Variants in PON3 observed in about 807,000 individuals in gnomAD.
PON3 encodes the protein paraoxonase 3.
Under a neutral mutation model 36.3 loss-of-function variants are expected in PON3, and 37 were observed. That is an observed-to-expected ratio of 1.02 (90% CI 0.78 to 1.34). The LOEUF is 1.34. Ranked by LOEUF, PON3 falls within the 40% of genes most tolerant of loss-of-function variation. PON3 has a pLI of 0.00. For missense variants in PON3, 415 were observed against 426.5 expected (o/e 0.97, Z 0.24); for synonymous variants, 155 against 154.8 (o/e 1.00, Z -0.01).
At chr7:95,360,154 T>G in intron 8 of PON3, 23 bp from the exon 9 acceptor site, 1 of 1,602,200 alleles carries the variant, frequency 6.2e-7, no homozygotes, top group East Asian at 2.2e-5. Context: ...GATCGTTTAT[T>G]AGTATATTAT....
At chr7:95,367,848 G>A (rs989629662) in intron 4 of PON3, among the ~76,000 whole-genome samples, 13 of 152,202 alleles carry the variant, frequency 8.5e-5, no homozygotes, top group African/African-American at 2.7e-4. Flanking sequence ...CAAGAGAAGT[G>A]AGTGCAAGCA....
intron 3 of PON3, among the ~76,000 whole-genome samples, chr7:95,387,138 C>A (rs372582648): frequency 6.6e-6 from 1 of 151,936 alleles, no homozygotes; most frequent in Admixed American, 6.6e-5. Context: ...CTGGCCAGGG[C>A]AATTGGACAA....
At chr7:95,371,034 T>C (rs1304760009) in intron 4 of PON3, among the ~76,000 whole-genome samples, 1 of 152,226 alleles carries the variant, frequency 6.6e-6, no homozygotes, top group Non-Finnish European at 1.5e-5. Flanking sequence ...TTCATATAAA[T>C]GGAATCACAT....
chr7:95,363,772 A>G, intron 6 of PON3, 91 bp downstream of exon 6: 2 of 1,245,898 alleles, frequency 1.6e-6, no homozygotes, highest in Non-Finnish European at 2.4e-6. Context: ...TTCACTACGT[A>G]AGCCTAAGTA....
chr7:95,372,608 T>C (rs973468236), intron 3 of PON3, among the ~76,000 whole-genome samples: 24 of 152,110 alleles, frequency 1.6e-4, no homozygotes, highest in Admixed American at 1.6e-3. Context: ...CAAAAAAATA[T>C]AACAGAAGAG....
chr7:95,396,259 T>A lies in PON3; in HGVS notation c.74+18A>T. 6.2e-7 allele frequency: 1 copy of A among 1,613,416 alleles called. No homozygotes were observed. Among genetic ancestry groups the A allele is most frequent in the Non-Finnish European group, 8.5e-7 (1 of 1,179,488 alleles). On this transcript the variant is annotated intron_variant, in intron 1 of 8. Coordinates refer to ENST00000265627, the MANE Select transcript of PON3 (RefSeq NM_000940.3). ...GAGAGAAAGAGAGTCGAAGACGCCC[T>A]GTCAAGATGCCACTCACCTAAACGC...
chr7:95,364,120 C>CACTCAT, intron 5 of PON3, 57 bp from the exon 6 acceptor site: 7 of 1,400,900 alleles, frequency 5.0e-6, no homozygotes, highest in Middle Eastern at 1.9e-4. Flanking sequence ...TATCCTTTAT[C>CACTCAT]CTTGTCAAAA....
chr7:95,384,661 C>T (rs553698566), intron 3 of PON3, among the ~76,000 whole-genome samples: 1 of 152,174 alleles, frequency 6.6e-6, no homozygotes, highest in Non-Finnish European at 1.5e-5. Flanking sequence ...TACCATCTCA[C>T]ACCAGTTAGA....
At chr7:95,374,284 C>T (rs1334258586) in intron 3 of PON3, among the ~76,000 whole-genome samples, 2 of 152,052 alleles carry the variant, frequency 1.3e-5, no homozygotes, top group Admixed American at 1.3e-4. Flanking sequence ...CTTTCTGTCC[C>T]AGTAATTCTT....
At chr7:95,384,698 A>G (rs1809147184) in intron 3 of PON3, among the ~76,000 whole-genome samples, 4 of 152,210 alleles carry the variant, frequency 2.6e-5, no homozygotes, top group African/African-American at 9.6e-5. Flanking sequence ...GTCAGGAAAC[A>G]ACAGGGCTAG....
In PON3 at chr7:95,362,477, C is replaced by A. The variant is rs775186128; in HGVS notation, c.791G>T (p.Gly264Val). 3.1e-6 allele frequency: 5 copies of A among 1,613,538 alleles called. No homozygotes were observed. In the African/African-American group the frequency reaches 5.3e-5, roughly 17 times the overall value. ...GACAGTCAGGTTATCCACTAAGGTG[C>A]CCAACTGTATCACCTTACAACAAAG... is the stretch of plus-strand genomic sequence containing the variant. The part of the protein sequence containing the change: ...DLTQLKVIQL[G>V]TLVDNLTVDP... Residue 264 changes from glycine to valine, a missense_variant, in exon 8 of 9, where the codon GGC (glycine) becomes GTC (valine). By Grantham distance (109) the Gly-to-Val change is moderately radical. Transcript: ENST00000265627.
At chr7:95,390,005 A>G (rs1562778067) in intron 3 of PON3, 149 bp downstream of exon 3, 1 of 872,138 alleles carries the variant, frequency 1.1e-6, no homozygotes, top group Non-Finnish European at 1.9e-6. Flanking sequence ...TAGCCCTCCA[A>G]AATTCTGTTT....
chr7:95,367,296 A>G (rs1808718296), intron 5 of PON3, 66 bp downstream of exon 5: 2 of 1,586,530 alleles, frequency 1.3e-6, no homozygotes, highest in Non-Finnish European at 1.7e-6. Flanking sequence ...CTGCTGAACC[A>G]AAAAATACAA....
intron 4 of PON3, among the ~76,000 whole-genome samples, chr7:95,370,513 A>T (rs1319995555): frequency 6.6e-6 from 1 of 152,230 alleles, no homozygotes; most frequent in South Asian, 2.1e-4. Context: ...TAAACCAATG[A>T]AAAATTGTTA....
At chr7:95,370,873 A>G (rs1280566722) in intron 4 of PON3, among the ~76,000 whole-genome samples, 1 of 152,240 alleles carries the variant, frequency 6.6e-6, no homozygotes, top group Non-Finnish European at 1.5e-5. Flanking sequence ...GTATATTCAC[A>G]GAATTGTGCA....
intron 2 of PON3, 121 bp from the exon 3 acceptor site, chr7:95,390,330 A>G (rs1315412412): frequency 2.4e-6 from 2 of 842,866 alleles, no homozygotes; most frequent in Non-Finnish European, 4.1e-6. Flanking sequence ...TTGTTCAACC[A>G]TTTACTTGGG....
In PON3 at chr7:95,394,707, C is replaced by A; in HGVS notation, c.82G>T (p.Val28Leu). 1.2e-6 allele frequency: 2 copies of A among 1,614,034 alleles called. No individual in the cohort carries two copies. Among genetic ancestry groups the A allele is most frequent in the South Asian group, 1.1e-5 (1 of 91,066 alleles). The change falls in exon 2 of 9, where the codon GTG becomes TTG. Residue 28 changes from valine (V) to leucine (L), a missense_variant. Val to Leu is a conservative substitution (Grantham distance 32). Transcript: ENST00000265627. ...GGCTCCACTTCTCGAGAGGCATTCA[C>A]CCTTTCTCTGTAGAAGATAAAACCC... ...GEMFLAFRER[V>L]NASREVEPVE...
intron 3 of PON3, among the ~76,000 whole-genome samples, chr7:95,386,483 ATAAT>A (rs1809192936): frequency 6.6e-6 from 1 of 152,200 alleles, no homozygotes. Flanking sequence ...AATTGAGGCA[ATAAT>A]TAATAGCCTA....
At chr7:95,366,494 GA>G (rs1237398029) in intron 5 of PON3, among the ~76,000 whole-genome samples, 22 of 152,202 alleles carry the variant, frequency 1.4e-4, no homozygotes, top group African/African-American at 5.3e-4. Flanking sequence ...AAGGAAAGAA[GA>G]TGAACTTTCT....
Sources: gnomAD v4.1 joint callset for allele counts (sites outside exome capture counted in the v4.1 genomes callset) on GRCh38, gnomAD v4.1.1 for gene constraint, MANE v1.5 for transcripts, NCBI Gene and HGNC (gene_info 2026-07-23, HGNC 2026-07-21) for gene names.